CDK5RAP2: variants seen among roughly 807,000 people sequenced by gnomAD.
CDK5RAP2 encodes the protein CDK5 regulatory subunit-associated protein 2.
In CDK5RAP2, 147 loss-of-function variants were observed where a neutral mutation model predicts 232.9. The observed-to-expected ratio is 0.63, with a 90% CI of 0.55 to 0.72. The LOEUF is 0.72. Ranked by LOEUF, CDK5RAP2 falls within the 30% of genes least tolerant of loss-of-function variation. CDK5RAP2 has a pLI of 0.00. For missense variants in CDK5RAP2, 2,195 were observed against 2,231.5 expected (o/e 0.98, Z 0.33); for synonymous variants, 833 against 833.7 (o/e 1.00, Z 0.01).
chr9:120,424,453 A>G (rs1242979681), intron 25 of CDK5RAP2, among the ~76,000 whole-genome samples: 1 of 152,212 alleles, frequency 6.6e-6, no homozygotes, highest in African/African-American at 2.4e-5. Flanking sequence ...CTTTACTGGA[A>G]GAACCAGCTT....
At chr9:120,412,396 C>A (rs1459385848) in intron 28 of CDK5RAP2, among the ~76,000 whole-genome samples, 1 of 152,220 alleles carries the variant, frequency 6.6e-6, no homozygotes. Flanking sequence ...AGCCACCCTG[C>A]AGTGAGGACA....
At chr9:120,524,900 C>T (rs2040831108) in intron 11 of CDK5RAP2, 86 bp downstream of exon 11, 3 of 926,982 alleles carry the variant, frequency 3.2e-6, no homozygotes, top group African/African-American at 3.3e-5. Flanking sequence ...TTATTAAAAT[C>T]ACCCAAGTTC....
At chr9:120,447,226 T>C (rs1301779325) in intron 22 of CDK5RAP2, among the ~76,000 whole-genome samples, 2 of 152,194 alleles carry the variant, frequency 1.3e-5, no homozygotes, top group East Asian at 3.9e-4. Context: ...AAATGCTACT[T>C]ATATGCTCAG....
Position 120,439,670 on chromosome 9 carries a change from C to G in CDK5RAP2, c.3451G>C (p.Glu1151Gln). Residue 1151 changes from glutamate (E) to glutamine (Q), a missense_variant, in exon 24 of 38, where the codon GAA becomes CAA. Glu to Gln is a conservative substitution (Grantham distance 29, BLOSUM62 2). Transcript: ENST00000349780. The part of the protein sequence containing the change: ...EAIITVLCGT[E>Q]GAQDGLSKPK... ...TTGCTCAAGCCATCCTGGGCCCCTT[C>G]TGTCCCACACAAAACTGTAATTATG... 1 of 1,614,244 alleles carries G rather than the reference C, an allele frequency of 6.2e-7. No homozygotes were observed. The highest frequency in any genetic ancestry group is 8.5e-7 in the Non-Finnish European group (1 of 1,180,040).
Position 120,403,029 on chromosome 9 carries a change from A to G in CDK5RAP2, c.5084T>C (p.Leu1695Pro). ...TGCCGAACTGCCACTGTCGCAGGAG[A>G]GGGAGTCCGTGTCATTCCCAGAGAG... is the stretch of plus-strand genomic sequence containing the variant. ...PPLSGNDTDS[L>P]SCDSGSSATS... The change falls in exon 34 of 38, where the codon CTC (leucine) becomes CCC (proline). Residue 1695 changes from leucine to proline, a missense_variant. Transcript: ENST00000349780. This position sits in a 1 kb window ranked among gnomAD's most constrained non-coding sequence, Gnocchi z 4.2. 6.2e-7 allele frequency: 1 copy of G among 1,614,146 alleles called. No homozygotes were observed. Among genetic ancestry groups the G allele is most frequent in the Non-Finnish European group, 8.5e-7 (1 of 1,179,992 alleles).
chr9:120,572,581 T>C (rs2132211938), intron 1 of CDK5RAP2, among the ~76,000 whole-genome samples: 1 of 152,300 alleles, frequency 6.6e-6, no homozygotes. Context: ...ATCCAAGAAG[T>C]TGTCTTGGTT....
chr9:120,473,589 G>A (rs1407770970), intron 15 of CDK5RAP2, among the ~76,000 whole-genome samples: 1 of 152,192 alleles, frequency 6.6e-6, no homozygotes, highest in Non-Finnish European at 1.5e-5. Flanking sequence ...CTGCTTTGAG[G>A]ACAGTTCATT....
intron 3 of CDK5RAP2, among the ~76,000 whole-genome samples, chr9:120,551,904 C>CA (rs1246496359): frequency 6.6e-6 from 1 of 152,074 alleles, no homozygotes; most frequent in Admixed American, 6.5e-5. Context: ...AGTGAACAGG[C>CA]AACCTACAGA....
Position 120,388,880 on chromosome 9 carries a change from T to G in CDK5RAP2, c.*356A>C. On this transcript the variant is annotated 3_prime_UTR_variant, in exon 38 of 38. Coordinates refer to ENST00000349780, the MANE Select transcript of CDK5RAP2 (RefSeq NM_018249.6). ...AAACAACAGAATCGTCAAGGTGAAA[T>G]GAAATGAATCATTTAATGAGAATCT... 3.1e-6 allele frequency: 1 copy of G among 317,708 alleles called. No individual in the cohort carries two copies. The highest frequency in any genetic ancestry group is 5.8e-6 in the Non-Finnish European group (1 of 171,762). 19.7% of individuals were successfully genotyped at this position (317,708 alleles called of 1,614,324 possible).
intron 11 of CDK5RAP2, among the ~76,000 whole-genome samples, chr9:120,520,280 C>T (rs564857261): frequency 5.9e-5 from 9 of 152,282 alleles, no homozygotes; most frequent in Non-Finnish European, 1.0e-4. Flanking sequence ...CACAGTGGCT[C>T]GCTGCCTGTA....
intron 12 of CDK5RAP2, among the ~76,000 whole-genome samples, 200 bp downstream of exon 12, chr9:120,518,218 AGAGAGAGAG>A (rs2040447542): frequency 6.1e-4 from 80 of 130,448 alleles, no homozygotes; most frequent in African/African-American, 2.5e-3. Flanking sequence ...TGTGAGAGAG[AGAGAGAGAG>A]AGAGAGAGAG....
At chr9:120,573,956 G>T (rs1310498493) in intron 1 of CDK5RAP2, among the ~76,000 whole-genome samples, 1 of 152,150 alleles carries the variant, frequency 6.6e-6, no homozygotes, top group Non-Finnish European at 1.5e-5. Flanking sequence ...CTAAGGTCTG[G>T]TCCTGCATTC....
chr9:120,536,415 C>G lies in CDK5RAP2; in HGVS notation c.619G>C (p.Glu207Gln), dbSNP rs756502330. ...SKLSEMKKMHEGDLAMALVLD... is the reference protein window; with the variant it reads ...SKLSEMKKMHQGDLAMALVLD... ...ACCAGAGCCATCGCCAAGTCCCCCT[C>G]GTGCATCTTCTTCATCTCTGAAAGC... is the stretch of plus-strand genomic sequence containing the variant. The change falls in exon 7 of 38, where the codon GAG becomes CAG. Residue 207 changes from glutamate to glutamine, a missense_variant. Coordinates refer to ENST00000349780, the MANE Select transcript of CDK5RAP2 (RefSeq NM_018249.6). 3 of 1,614,082 alleles carry G rather than the reference C, an allele frequency of 1.9e-6. No homozygotes were observed. The highest frequency in any genetic ancestry group is 2.5e-6 in the Non-Finnish European group (3 of 1,180,026).
chr9:120,487,298 GAGA>G lies in CDK5RAP2; in HGVS notation c.1619_1621del (p.Phe540del). 6.2e-7 allele frequency: 1 copy of G among 1,614,072 alleles called. No individual in the cohort carries two copies. The highest frequency in any genetic ancestry group is 8.5e-7 in the Non-Finnish European group (1 of 1,180,012). On this transcript the variant is annotated inframe_deletion, in exon 14 of 38. Coordinates refer to ENST00000349780, the MANE Select transcript of CDK5RAP2 (RefSeq NM_018249.6). The stretch of plus-strand genomic sequence containing the variant: ...TCCAATTTCAGTCAAGCTTACCTTA[GAGA>G]AGATGGTTTTGCTGCCTGGTGGCTG...
In CDK5RAP2 at chr9:120,400,652, T is replaced by G. The variant is rs8181052; in HGVS notation, c.5451+90A>C. 18 of 1,511,732 alleles carry G rather than the reference T, an allele frequency of 1.2e-5. No individual in the cohort carries two copies. The East Asian group carries it at 3.6e-4, about 30-fold the overall frequency. The allele number at this position is 1,511,732 out of a possible 1,614,324, so 93.6% of individuals were successfully genotyped here. A position where few individuals can be genotyped will look rare whatever the true frequency, so the allele number is the denominator to read the frequency against. On this transcript the variant is annotated intron_variant, in intron 35 of 37. Coordinates refer to ENST00000349780, the MANE Select transcript of CDK5RAP2 (RefSeq NM_018249.6). ...ATACATACCCCAAATGGTGGGCACATCTGCTGTGGGCCCCTGCTTGGCATG... is the reference window on the plus strand; with the variant it reads ...ATACATACCCCAAATGGTGGGCACAGCTGCTGTGGGCCCCTGCTTGGCATG...
At chr9:120,569,009 C>G (rs1459431840) in intron 2 of CDK5RAP2, among the ~76,000 whole-genome samples, 1 of 152,218 alleles carries the variant, frequency 6.6e-6, no homozygotes, top group Non-Finnish European at 1.5e-5. Flanking sequence ...GCATCTTTAA[C>G]TGAACAAACA....
intron 11 of CDK5RAP2, among the ~76,000 whole-genome samples, chr9:120,522,206 A>T (rs974036492): frequency 6.6e-6 from 1 of 152,256 alleles, no homozygotes; most frequent in African/African-American, 2.4e-5. Context: ...AATCTGAATA[A>T]GGTCAAAGGA....
chr9:120,435,251 A>C (rs565561944), intron 25 of CDK5RAP2, among the ~76,000 whole-genome samples: 1 of 152,310 alleles, frequency 6.6e-6, no homozygotes, highest in African/African-American at 2.4e-5. Context: ...TGTTTTTCAC[A>C]GTGGAAAGGG....
chr9:120,420,100 T>C, intron 26 of CDK5RAP2, 140 bp from the exon 27 acceptor site: 1 of 719,762 alleles, frequency 1.4e-6, no homozygotes, highest in South Asian at 1.5e-5. Flanking sequence ...TTTATTTCCC[T>C]ACAGCATTAA....
Sources: allele counts gnomAD v4.1 joint callset (sites outside exome capture counted in the v4.1 genomes callset), GRCh38; gene constraint gnomAD v4.1.1; non-coding constraint Gnocchi (gnomAD v3.1); transcripts MANE v1.5; gene names NCBI Gene and HGNC (gene_info 2026-07-23, HGNC 2026-07-21).